Variants in CHST11 observed in about 807,000 individuals in gnomAD.
The protein encoded by CHST11 is C4S-1.
In CHST11, 9 loss-of-function variants were observed where a neutral mutation model predicts 30.4. The observed-to-expected ratio is 0.30, with a 90% CI of 0.18 to 0.52. The LOEUF is 0.52. CHST11 is among the 20% of genes least tolerant of loss of function. The probability of loss-of-function intolerance (pLI) is 0.97; values close to 1 mark genes in which losing one functional copy is unlikely to be tolerated. For synonymous variants in CHST11, 152 were observed against 187.8 expected (o/e 0.81, Z 1.56); for missense variants, 348 against 460.6 (o/e 0.76, Z 2.24).
chr12:104,662,027 G>T (rs2039602993), intron 2 of CHST11, among the ~76,000 whole-genome samples: 1 of 152,192 alleles, frequency 6.6e-6, no homozygotes, highest in African/African-American at 2.4e-5. Flanking sequence ...TCTGGGTGGA[G>T]GTGAAGGAGA....
intron 1 of CHST11, among the ~76,000 whole-genome samples, chr12:104,573,182 A>G (rs1168326878): frequency 6.6e-6 from 1 of 152,360 alleles, no homozygotes; most frequent in African/African-American, 2.4e-5. Flanking sequence ...AAGGAGAACT[A>G]CAAACCGCTG....
At chr12:104,563,948 A>C (rs1012273083) in intron 1 of CHST11, among the ~76,000 whole-genome samples, 1 of 151,868 alleles carries the variant, frequency 6.6e-6, no homozygotes, top group African/African-American at 2.4e-5. Flanking sequence ...CCCTCTGTGT[A>C]AGTGGTTCTG....
chr12:104,650,136 A>G (rs1234275597), intron 2 of CHST11, among the ~76,000 whole-genome samples: 2 of 152,220 alleles, frequency 1.3e-5, no homozygotes, highest in African/African-American at 4.8e-5. Flanking sequence ...AATGAAAATT[A>G]CCTACTCTAT....
chr12:104,592,457 CT>C (rs1327069021), intron 1 of CHST11, among the ~76,000 whole-genome samples: 2 of 152,040 alleles, frequency 1.3e-5, no homozygotes, highest in African/African-American at 2.4e-5. Context: ...GGTAAGTGGT[CT>C]TTTTTGGGAC....
intron 1 of CHST11, among the ~76,000 whole-genome samples, chr12:104,571,292 T>C (rs1332744174): frequency 2.0e-5 from 3 of 152,054 alleles, no homozygotes; most frequent in African/African-American, 7.2e-5. Flanking sequence ...GCCTCCCAAG[T>C]AGCCGGGATT....
At chr12:104,467,107 T>C (rs954123180) in intron 1 of CHST11, among the ~76,000 whole-genome samples, 1 of 152,232 alleles carries the variant, frequency 6.6e-6, no homozygotes, top group African/African-American at 2.4e-5. Context: ...AATTTACTTA[T>C]GATTCAGTTG....
intron 2 of CHST11, among the ~76,000 whole-genome samples, chr12:104,741,163 A>G (rs1452859598): frequency 1.4e-4 from 22 of 152,254 alleles, no homozygotes. Flanking sequence ...AGTGACATTA[A>G]CTATGATCAG....
intron 2 of CHST11, among the ~76,000 whole-genome samples, chr12:104,677,630 T>C (rs532495929): frequency 6.6e-6 from 1 of 152,242 alleles, no homozygotes; most frequent in East Asian, 1.9e-4. Context: ...CACTAGGAAT[T>C]TGGGGGGAAT....
chr12:104,601,349 G>T (rs2038955656), intron 1 of CHST11, among the ~76,000 whole-genome samples: 1 of 152,124 alleles, frequency 6.6e-6, no homozygotes, highest in African/African-American at 2.4e-5. Flanking sequence ...ATAAACTCTT[G>T]TCTTTTCTGC....
chr12:104,476,495 G>A (rs955199750), intron 1 of CHST11, among the ~76,000 whole-genome samples: 8 of 151,996 alleles, frequency 5.3e-5, no homozygotes, highest in Non-Finnish European at 1.0e-4. Context: ...TATTCCATCA[G>A]ATGGATGTAT....
At chr12:104,545,956 A>G (rs962239257) in intron 1 of CHST11, among the ~76,000 whole-genome samples, 2 of 151,950 alleles carry the variant, frequency 1.3e-5, no homozygotes, top group Non-Finnish European at 2.9e-5. Context: ...CTCCGTGCCC[A>G]TCCTCTAGGG....
At chr12:104,503,581 T>C (rs1194211999) in intron 1 of CHST11, among the ~76,000 whole-genome samples, 4 of 152,196 alleles carry the variant, frequency 2.6e-5, no homozygotes, top group African/African-American at 9.7e-5. Context: ...CTTTCCATTC[T>C]CTCACTTGGG....
At chr12:104,692,908 T>C (rs2039910368) in intron 2 of CHST11, among the ~76,000 whole-genome samples, 1 of 139,134 alleles carries the variant, frequency 7.2e-6, no homozygotes, top group East Asian at 2.2e-4. Context: ...AAAACTGTCT[T>C]CCATGAAACC....
chr12:104,612,206 G>A (rs1443550694), intron 2 of CHST11, among the ~76,000 whole-genome samples: 1 of 152,264 alleles, frequency 6.6e-6, no homozygotes, highest in East Asian at 1.9e-4. Flanking sequence ...CACAGACTGG[G>A]TGGCTTAGAC....
At chr12:104,638,290 C>T (rs2039344849) in intron 2 of CHST11, among the ~76,000 whole-genome samples, 1 of 149,734 alleles carries the variant, frequency 6.7e-6, no homozygotes, top group Non-Finnish European at 1.5e-5. Context: ...GTAAGACTTT[C>T]ATTTTGTATA....
At chr12:104,481,845 G>A (rs1593959850) in intron 1 of CHST11, among the ~76,000 whole-genome samples, 1 of 84,270 alleles carries the variant, frequency 1.2e-5, no homozygotes, top group East Asian at 2.7e-4. Flanking sequence ...CCTTTCTCTT[G>A]CATTTTTTTT....
chr12:104,756,532 G>GGGGGGTGTGTGTGTGTGTGTGT (rs1555250374), intron 2 of CHST11, among the ~76,000 whole-genome samples: 3 of 143,292 alleles, frequency 2.1e-5, no homozygotes, highest in Non-Finnish European at 4.6e-5. Flanking sequence ...ATCCATGTGG[G>GGGGGGTGTGTGTGTGTGTGTGT]GTGTGTGTGT....
intron 2 of CHST11, among the ~76,000 whole-genome samples, chr12:104,606,175 C>CG (rs143868527): frequency 0.78 from 82,890 of 106,774 alleles, 31,352 homozygotes; most frequent in Admixed American, 0.84. Flanking sequence ...GGGCGGGGGG[C>CG]GGGGGGGGGA....
At chr12:104,680,355 C>T (rs1418231357) in intron 2 of CHST11, among the ~76,000 whole-genome samples, 2 of 152,228 alleles carry the variant, frequency 1.3e-5, no homozygotes, top group African/African-American at 2.4e-5. Flanking sequence ...AAGGGCACCA[C>T]AGCAGATGCA....
Sources: allele counts gnomAD v4.1 joint callset (sites outside exome capture counted in the v4.1 genomes callset), GRCh38; gene constraint gnomAD v4.1.1; transcripts MANE v1.5; gene names NCBI Gene and HGNC (gene_info 2026-07-23, HGNC 2026-07-21).